KIAA0825: variants seen among roughly 807,000 people sequenced by gnomAD.
The protein encoded by KIAA0825 is KIAA0825.
A neutral mutation model predicts 147.6 loss-of-function variants in KIAA0825; 119 were observed. That is an observed-to-expected ratio of 0.81 (90% CI 0.69 to 0.94). The LOEUF (loss-of-function observed/expected upper bound fraction) is 0.94. KIAA0825 is among the 40% of genes least tolerant of loss of function. The pLI, the probability that KIAA0825 is intolerant of heterozygous loss-of-function variation, is 0.00. For synonymous variants in KIAA0825, 470 were observed against 518.1 expected, an observed-to-expected ratio of 0.91 and a Z score of 1.26; for missense variants, 1,381 against 1,472.7, an observed-to-expected ratio of 0.94 and a Z score of 1.02.
At chr5:94,594,180 C>G (rs1476306367) in intron 1 of KIAA0825, 2 of 571,488 alleles carry the variant, frequency 3.5e-6, no homozygotes, top group Non-Finnish European at 7.0e-6. Flanking sequence ...CTTAGCTAGA[C>G]TGGATTCTCA....
intron 15 of KIAA0825, chr5:94,415,437 C>T (rs538830800): frequency 1.7e-4 from 25 of 151,430 alleles, no homozygotes; most frequent in Non-Finnish European, 3.2e-4. Context: ...GGCTTAATTT[C>T]GTTATGAATT....
intron 20 of KIAA0825, among the ~76,000 whole-genome samples, chr5:94,295,356 G>T (rs757970049): frequency 1.7e-4 from 26 of 151,876 alleles, no homozygotes; most frequent in Non-Finnish European, 3.1e-4. Flanking sequence ...TCCCTGCATT[G>T]GGTTAGAACA....
intron 20 of KIAA0825, among the ~76,000 whole-genome samples, chr5:94,269,724 A>G (rs1430583124): frequency 2.6e-5 from 4 of 152,112 alleles, no homozygotes; most frequent in Non-Finnish European, 4.4e-5. Flanking sequence ...AAAAACTTCA[A>G]ATAAATAACC....
chr5:94,550,877 G>A lies in KIAA0825; in HGVS notation c.-1-13750C>T, dbSNP rs908017433. On this transcript the variant is annotated intron_variant, in intron 2 of 20. Coordinates refer to ENST00000682413, the MANE Select transcript of KIAA0825 (RefSeq NM_001145678.3). The stretch of plus-strand genomic sequence containing the variant: ...AAAAAAGCAACACAATAATTCTCCA[G>A]TAGTAGACACTAATCACAAGGAACT... Among the ~76,000 whole-genome samples, 3 of 149,808 alleles carry A rather than the reference G, an allele frequency of 2.0e-5. No individual in the cohort carries two copies. The South Asian group carries it at 6.3e-4, about 31-fold the overall frequency.
intron 20 of KIAA0825, among the ~76,000 whole-genome samples, chr5:94,209,557 G>T (rs527881180): frequency 6.6e-6 from 1 of 152,134 alleles, no homozygotes; most frequent in Non-Finnish European, 1.5e-5. Context: ...TTGTGCTCAT[G>T]CTTGCATAAC....
At chr5:94,332,952 T>C (rs160273) in intron 20 of KIAA0825, among the ~76,000 whole-genome samples, 30,152 of 152,186 alleles carry the variant, frequency 0.2, 3,483 homozygotes, top group Non-Finnish European at 0.25. Context: ...ATTGTGGTTT[T>C]GATTTGCATT....
In KIAA0825 at chr5:94,582,593, G is replaced by T. The variant is rs1234478281; in HGVS notation, c.-152-10C>A. ...AGTATGTAAAATGTACCTGAAAAAT[G>T]ATTGCATAAAGCTTTATCACTGCCA... On this transcript the variant is annotated splice_polypyrimidine_tract_variant and intron_variant, in intron 1 of 20. Coordinates refer to ENST00000682413, the MANE Select transcript of KIAA0825 (RefSeq NM_001145678.3). 1 of 151,970 alleles carries T rather than the reference G, an allele frequency of 6.6e-6. No homozygotes were observed. Among genetic ancestry groups the T allele is most frequent in the African/African-American group, 2.4e-5 (1 of 41,372 alleles). The allele number at this position is 151,970 out of a possible 1,614,324, so 9.4% of individuals were successfully genotyped here. A position where few individuals can be genotyped will look rare whatever the true frequency, so the allele number is the denominator to read the frequency against.
intron 20 of KIAA0825, among the ~76,000 whole-genome samples, chr5:94,235,026 C>CAA (rs770665759): frequency 0.027 from 3,511 of 131,598 alleles, 69 homozygotes; most frequent in Non-Finnish European, 0.041. Context: ...TTTCCTCAGG[C>CAA]AAAAAAAAAA....
At position 94,187,402 on chromosome 5, in the gene KIAA0825, GT is replaced by G. The variant is rs34689731; in HGVS notation, c.3711-33279del. On this transcript the variant is annotated intron_variant, in intron 20 of 20. Coordinates refer to ENST00000682413, the MANE Select transcript of KIAA0825 (RefSeq NM_001145678.3). ...AAAAACAGAAATCTGAGAGAAAGGA[GT>G]TTTTTTTTTTTTTTTTTTTTAATTT... Among the ~76,000 whole-genome samples the G allele has an allele frequency of 3.9e-3, 409 of 105,684 alleles. 2 individuals carry two copies. Among genetic ancestry groups the G allele is most frequent in the African/African-American group, 0.011 (297 of 28,026 alleles). 69.3% of individuals were successfully genotyped at this position (105,684 alleles called of 152,430 possible). A position where few individuals can be genotyped will look rare whatever the true frequency, so the allele number is the denominator to read the frequency against.
At chr5:94,453,426 A>G (rs537190454) in intron 12 of KIAA0825, among the ~76,000 whole-genome samples, 1 of 150,478 alleles carries the variant, frequency 6.6e-6, no homozygotes, top group African/African-American at 2.4e-5. Context: ...AACTCAGGCA[A>G]TCCACCCGCC....
At chr5:94,274,933 C>T (rs150434315) in intron 20 of KIAA0825, among the ~76,000 whole-genome samples, 1 of 152,226 alleles carries the variant, frequency 6.6e-6, no homozygotes, top group Admixed American at 6.6e-5. Context: ...GGGTGGAATA[C>T]ACTGATTGGC....
intron 2 of KIAA0825, among the ~76,000 whole-genome samples, chr5:94,540,447 CCA>C (rs1164711819): frequency 1.3e-5 from 2 of 152,218 alleles, no homozygotes; most frequent in Non-Finnish European, 2.9e-5. Flanking sequence ...GACCTTGTAA[CCA>C]CATGGCAGTA....
intron 20 of KIAA0825, among the ~76,000 whole-genome samples, chr5:94,195,139 C>A (rs1467904605): frequency 3.3e-5 from 5 of 152,220 alleles, no homozygotes; most frequent in Non-Finnish European, 5.9e-5. Flanking sequence ...CCCGTGGTGA[C>A]TGACTGAATC....
At chr5:94,584,266 C>A (rs1436409945) in intron 1 of KIAA0825, among the ~76,000 whole-genome samples, 2 of 152,128 alleles carry the variant, frequency 1.3e-5, no homozygotes, top group Admixed American at 6.5e-5. Context: ...TGTTCTAACC[C>A]ATCGCAAGGA....
intron 1 of KIAA0825, among the ~76,000 whole-genome samples, chr5:94,614,471 CCA>C (rs1184959594): frequency 3.3e-5 from 5 of 152,174 alleles, no homozygotes; most frequent in African/African-American, 9.7e-5. Context: ...TCTAACTTGC[CCA>C]CAGTTATCTA....
chr5:94,440,542 A>T (rs528448289), intron 13 of KIAA0825, among the ~76,000 whole-genome samples: 5 of 152,020 alleles, frequency 3.3e-5, no homozygotes, highest in Non-Finnish European at 5.9e-5. Flanking sequence ...CTAGTTTGTA[A>T]TTTGCTATAT....
chr5:94,428,832 A>G (rs1321484699), intron 14 of KIAA0825, among the ~76,000 whole-genome samples: 5 of 152,162 alleles, frequency 3.3e-5, no homozygotes, highest in Admixed American at 3.3e-4. Context: ...CAGGATGCCA[A>G]TAATTAATGG....
intron 15 of KIAA0825, among the ~76,000 whole-genome samples, chr5:94,408,289 A>G (rs1752325558): frequency 6.6e-6 from 1 of 152,160 alleles, no homozygotes; most frequent in African/African-American, 2.4e-5. Context: ...GGGATTTCCA[A>G]CATAGAGCTT....
At chr5:94,279,249 A>G (rs992035028) in intron 20 of KIAA0825, among the ~76,000 whole-genome samples, 1 of 152,140 alleles carries the variant, frequency 6.6e-6, no homozygotes, top group African/African-American at 2.4e-5. Flanking sequence ...AATATGAACT[A>G]CAAAAAAACT....
Sources: allele counts gnomAD v4.1 joint callset (sites outside exome capture counted in the v4.1 genomes callset), GRCh38; gene constraint gnomAD v4.1.1; transcripts MANE v1.5; gene names NCBI Gene and HGNC (gene_info 2026-07-23, HGNC 2026-07-21).